SAMD15: variants seen among roughly 807,000 people sequenced by gnomAD.
The protein encoded by SAMD15 is sterile alpha motif domain-containing protein 15.
A neutral mutation model predicts 50.5 loss-of-function variants in SAMD15; 37 were observed. That is an observed-to-expected ratio of 0.73 (90% CI 0.56 to 0.96). The LOEUF is 0.96. Among genes scored for constraint, SAMD15 ranks in the 40% least tolerant of loss-of-function variants. The pLI, the probability that SAMD15 is intolerant of heterozygous loss-of-function variation, is 0.00. For missense variants in SAMD15, 789 were observed against 783.8 expected (o/e 1.01, Z -0.08); for synonymous variants, 255 against 282.8 (o/e 0.90, Z 0.99).
rs780980151 is a variant in SAMD15, at chr14:77,392,061, CAAACA to C, written c.*825_*829del. 4.2e-4 allele frequency among the ~76,000 whole-genome samples: 64 copies of C among 151,204 alleles called. No individual in the cohort carries two copies. The highest frequency in any genetic ancestry group is 7.3e-4 in the Admixed American group (11 of 15,094). On this transcript the variant is annotated 3_prime_UTR_variant, in exon 3 of 3. Coordinates refer to ENST00000216471, the MANE Select transcript of SAMD15 (RefSeq NM_001010860.4). Reference sequence around the variant, plus strand: ...AGAGTGAGACTCTGTCTAAAACAAACAAACAAAACAAAGCAAAACAAAATTCCTGA... The same window carrying C: ...AGAGTGAGACTCTGTCTAAAACAAACAAACAAAGCAAAACAAAATTCCTGA...
intron 1 of SAMD15, 147 bp from the exon 2 acceptor site, chr14:77,380,236 G>A: frequency 1.7e-6 from 1 of 592,128 alleles, no homozygotes; most frequent in African/African-American, 1.8e-5. Context: ...GACAGAGTGA[G>A]ACCCTGTCTC....
At chr14:77,380,503 C>T in intron 2 of SAMD15, 22 bp downstream of exon 2, 4 of 1,527,664 alleles carry the variant, frequency 2.6e-6, no homozygotes, top group Non-Finnish European at 3.6e-6. Context: ...CCAAAGTTTC[C>T]CTACAGAGCA....
rs562430003 is a variant in SAMD15, at chr14:77,388,163, A to C, written c.1789-2845A>C. Among the ~76,000 whole-genome samples the C allele has an allele frequency of 1.2e-4, 19 of 152,296 alleles. No individual in the cohort carries two copies. In the South Asian group the frequency reaches 3.3e-3, roughly 27 times the overall value. ...TGGGCACACAGCTCTTTTTGTTAAT[A>C]ATGTGTATATGACTGCAGTGTACCT... On this transcript the variant is annotated intron_variant, in intron 2 of 2. Transcript: ENST00000216471.
Position 77,378,590 on chromosome 14 carries a change from T to C in SAMD15, c.1172T>C (p.Val391Ala). The change falls in exon 1 of 3, where the codon GTT becomes GCT. Residue 391 changes from valine to alanine, a missense_variant. Around this residue, in one of 2 missense-constraint regions of SAMD15, gnomAD observed 770 missense variants for 745.4 expected, o/e 1.03. Coordinates refer to ENST00000216471, the MANE Select transcript of SAMD15 (RefSeq NM_001010860.4). ...PVLPQEINPQVEEKTQTKPTE... is the reference protein window; with the variant it reads ...PVLPQEINPQAEEKTQTKPTE... ...CTACCACAGGAGATCAACCCACAAG[T>C]TGAAGAGAAAACACAAACAAAGCCA... The C allele has an allele frequency of 1.9e-6, 3 of 1,613,264 alleles. No individual in the cohort carries two copies. Among genetic ancestry groups the C allele is most frequent in the African/African-American group, 1.3e-5 (1 of 74,836 alleles).
intron 2 of SAMD15, among the ~76,000 whole-genome samples, chr14:77,390,489 C>T (rs1404375135): frequency 6.6e-6 from 1 of 152,118 alleles, no homozygotes; most frequent in African/African-American, 2.4e-5. Flanking sequence ...CTAGAAATGT[C>T]TTAAATGGTA....
Position 77,377,564 on chromosome 14 carries a change from C to T in SAMD15, c.146C>T (p.Ala49Val), listed in dbSNP as rs771053698. 1 of 1,614,086 alleles carries T rather than the reference C, an allele frequency of 6.2e-7. No individual in the cohort carries two copies. Residue 49 changes from alanine to valine, a missense_variant, in exon 1 of 3, where the codon GCA becomes GTA. Physicochemically the swap from Ala to Val is moderately conservative, Grantham distance 64 (BLOSUM62 0). Coordinates refer to ENST00000216471, the MANE Select transcript of SAMD15 (RefSeq NM_001010860.4). ...GCAAAGGCAGACTCGAAGCTACCAG[C>T]AGAGATTTACCAAGAGCCACAGCCA... ...TMAKADSKLP[A>V]EIYQEPQPET...
chr14:77,383,342 A>G (rs1320481799), intron 2 of SAMD15, among the ~76,000 whole-genome samples: 3 of 152,224 alleles, frequency 2.0e-5, no homozygotes, highest in African/African-American at 7.2e-5. Context: ...ATGAGAAGGC[A>G]TTTTTAAGAG....
chr14:77,378,915 G>A lies in SAMD15; in HGVS notation c.1497G>A (p.Glu499=), dbSNP rs898451351. ...AATGCTCATACTCAGATCCCTCAGA[G>A]TCTCAGACAGAATTAAGTGAGTTCG... ...SEECSYSDPS[E]SQTELSEFVH... Residue 499 remains glutamate (E), a synonymous_variant, in exon 1 of 3, where the codon GAG becomes GAA. Transcript: ENST00000216471. The A allele has an allele frequency of 1.5e-5, 25 of 1,613,950 alleles. 1 individual carries two copies. The highest frequency in any genetic ancestry group is 2.1e-5 in the Non-Finnish European group (25 of 1,179,998).
At chr14:77,390,910 G>T in intron 2 of SAMD15, 98 bp from the exon 3 acceptor site, 1 of 758,646 alleles carries the variant, frequency 1.3e-6, no homozygotes, top group Non-Finnish European at 2.2e-6. Context: ...AAGAAATAAG[G>T]AGTTAATATT....
In SAMD15 at chr14:77,378,124, A is replaced by C. The variant is rs1893876719; in HGVS notation, c.706A>C (p.Thr236Pro). The C allele has an allele frequency of 8.7e-6, 14 of 1,613,838 alleles. No individual in the cohort carries two copies. The highest frequency in any genetic ancestry group is 1.2e-5 in the Non-Finnish European group (14 of 1,179,968). ...GACAGATCTTCAGCCACCAAAGATG[A>C]CCAAACCAGAGACTCCAGAGGAGAC... ...EETDLQPPKM[T>P]KPETPEETQR... is the part of the protein sequence containing the mutation. The change falls in exon 1 of 3, where the codon ACC (threonine) becomes CCC (proline). Residue 236 changes from threonine (T) to proline (P), a missense_variant. Thr to Pro is a conservative substitution (Grantham distance 38). Transcript: ENST00000216471.
chr14:77,380,436 C>T lies in SAMD15; in HGVS notation c.1743C>T (p.Cys581=), dbSNP rs930572419. 4 of 1,613,918 alleles carry T rather than the reference C, an allele frequency of 2.5e-6. No homozygotes were observed. The highest frequency in any genetic ancestry group is 3.4e-6 in the Non-Finnish European group (4 of 1,179,852). Residue 581 remains cysteine (C), a synonymous_variant, in exon 2 of 3, where the codon TGC becomes TGT. Coordinates refer to ENST00000216471, the MANE Select transcript of SAMD15 (RefSeq NM_001010860.4). ...ISGRKLIHVN[C]SNLPQMGITN... is the part of the protein sequence containing the mutation. ...GCCGAAAACTCATTCACGTCAACTG[C>T]TCAAACCTCCCTCAGATGGGGATAA...
chr14:77,390,168 G>T (rs970687451), intron 2 of SAMD15, among the ~76,000 whole-genome samples: 1 of 151,884 alleles, frequency 6.6e-6, no homozygotes, highest in African/African-American at 2.4e-5. Context: ...GCTAATTTTT[G>T]TATTTTTAGT....
chr14:77,387,820 G>A (rs1312271010), intron 2 of SAMD15, among the ~76,000 whole-genome samples: 1 of 152,112 alleles, frequency 6.6e-6, no homozygotes, highest in South Asian at 2.1e-4. Context: ...GGAGGCTGAG[G>A]TAGGAGGATC....
chr14:77,378,390 C>A lies in SAMD15; in HGVS notation c.972C>A (p.Asn324Lys), dbSNP rs764338238. The change falls in exon 1 of 3, where the codon AAC (asparagine) becomes AAA (lysine). Residue 324 changes from asparagine (N) to lysine (K), a missense_variant. Coordinates refer to ENST00000216471, the MANE Select transcript of SAMD15 (RefSeq NM_001010860.4). ...DHKPRKSTDE[N>K]VPEPLEEIKL... ...AGCCAAGAAAGTCTACTGATGAGAA[C>A]GTTCCTGAGCCACTAGAAGAGATCA... 1 of 1,613,894 alleles carries A rather than the reference C, an allele frequency of 6.2e-7. No homozygotes were observed. The highest frequency in any genetic ancestry group is 1.7e-5 in the Admixed American group (1 of 59,924).
chr14:77,380,117 T>A (rs1002564595), intron 1 of SAMD15, among the ~76,000 whole-genome samples: 1 of 152,136 alleles, frequency 6.6e-6, no homozygotes, highest in South Asian at 2.1e-4. Context: ...GTTATTGGGA[T>A]AGAAAGTAAA....
rs1281362175 is a variant in SAMD15, at chr14:77,391,796, G to T, written c.*552G>T. Among the ~76,000 whole-genome samples the T allele has an allele frequency of 2.6e-5, 4 of 151,960 alleles. No homozygotes were observed. The highest frequency in any genetic ancestry group is 4.4e-5 in the Non-Finnish European group (3 of 68,008). On this transcript the variant is annotated 3_prime_UTR_variant, in exon 3 of 3. Transcript: ENST00000216471. Reference sequence around the variant, plus strand: ...GAGCCGGGCAAGGTGGCTCACACCTGTAATCCTAGCTCTTTGGGTGGCTGA... The same window carrying T: ...GAGCCGGGCAAGGTGGCTCACACCTTTAATCCTAGCTCTTTGGGTGGCTGA...
rs749860946 is a variant in SAMD15 at position 77,377,819 on chromosome 14, A to C, written c.401A>C (p.Asp134Ala). 79 of 1,614,082 alleles carry C rather than the reference A, an allele frequency of 4.9e-5. No homozygotes were observed. The highest frequency in any genetic ancestry group is 6.4e-5 in the Non-Finnish European group (76 of 1,180,046). The change falls in exon 1 of 3, where the codon GAC (aspartate) becomes GCC (alanine). Residue 134 changes from aspartate (D) to alanine (A), a missense_variant. Around this residue, in one of 2 missense-constraint regions of SAMD15, gnomAD observed 770 missense variants for 745.4 expected, o/e 1.03. Transcript: ENST00000216471. Reference protein sequence around the residue: ...APMDETHKESDLEPPEEAKPN... With the variant: ...APMDETHKESALEPPEEAKPN... Reference sequence around the variant, plus strand: ...ATGGATGAAACGCATAAAGAGTCAGACCTAGAGCCACCAGAGGAGGCTAAA... The same window carrying C: ...ATGGATGAAACGCATAAAGAGTCAGCCCTAGAGCCACCAGAGGAGGCTAAA...
chr14:77,384,783 C>T (rs1440663737), intron 2 of SAMD15, among the ~76,000 whole-genome samples: 1 of 152,154 alleles, frequency 6.6e-6, no homozygotes, highest in Admixed American at 6.6e-5. Flanking sequence ...TGCTTCTATG[C>T]ACTCTTAACA....
intron 2 of SAMD15, among the ~76,000 whole-genome samples, chr14:77,381,432 T>G (rs771107062): frequency 1.6e-4 from 25 of 152,172 alleles, no homozygotes; most frequent in Non-Finnish European, 2.9e-4. Flanking sequence ...AATGGACAGT[T>G]CTTGGCATAA....
Sources: allele counts gnomAD v4.1 joint callset (sites outside exome capture counted in the v4.1 genomes callset), GRCh38; gene constraint gnomAD v4.1.1; regional missense constraint gnomAD v4.1.1; transcripts MANE v1.5; gene names NCBI Gene and HGNC (gene_info 2026-07-23, HGNC 2026-07-21).